The following LIN28B variants were observed in gnomAD, a reference collection of about 807,000 sequenced individuals.
LIN28B encodes the protein protein lin-28 homolog B.
LIN28B carries 5 observed loss-of-function variants against 21.9 expected under a neutral mutation model. The ratio of observed to expected loss-of-function variants is 0.23; its 90% CI spans 0.12 to 0.48. The LOEUF (loss-of-function observed/expected upper bound fraction) is 0.48. LIN28B is among the 20% of genes least tolerant of loss of function. The pLI, the probability that LIN28B is intolerant of heterozygous loss-of-function variation, is 0.98. For missense variants in LIN28B, 245 were observed against 310.5 expected (o/e 0.79, Z 1.58); for synonymous variants, 109 against 111.3 (o/e 0.98, Z 0.13).
At chr6:105,073,761 C>T (rs575908966) in intron 3 of LIN28B, among the ~76,000 whole-genome samples, 30 of 152,252 alleles carry the variant, frequency 2.0e-4, no homozygotes, top group Middle Eastern at 6.8e-3. Flanking sequence ...TTTTTCATCA[C>T]TCTCAGGATC....
intron 2 of LIN28B, among the ~76,000 whole-genome samples, chr6:104,944,658 A>G (rs1295029050): frequency 1.3e-5 from 2 of 152,146 alleles, no homozygotes; most frequent in Admixed American, 1.3e-4. Flanking sequence ...GCTCTACATT[A>G]TATGAAATGA....
At chr6:104,960,161 G>A (rs2114569902) in intron 2 of LIN28B, among the ~76,000 whole-genome samples, 1 of 152,156 alleles carries the variant, frequency 6.6e-6, no homozygotes, top group South Asian at 2.1e-4. Context: ...TACAGTTCAT[G>A]TATATATTAA....
intron 2 of LIN28B, among the ~76,000 whole-genome samples, chr6:105,020,032 G>A (rs2114325154): frequency 6.6e-6 from 1 of 151,642 alleles, no homozygotes. Context: ...ACTATCTGGA[G>A]CCCTGGGTAA....
chr6:104,953,223 C>T (rs150407534), upstream of LIN28B, among the ~76,000 whole-genome samples: 24 of 152,118 alleles, frequency 1.6e-4, no homozygotes, highest in African/African-American at 5.8e-4. Context: ...CTTGATCCTC[C>T]GAAGGCCCAG....
intron 2 of LIN28B, among the ~76,000 whole-genome samples, chr6:105,004,792 A>G (rs929645147): frequency 2.0e-4 from 31 of 152,222 alleles, no homozygotes; most frequent in African/African-American, 6.8e-4. Flanking sequence ...CTTCAAACAT[A>G]TCAGGTCATC....
rs547212113 is a variant in LIN28B at position 105,033,616 on chromosome 6, G to T, written c.383+7134G>T. ...TAACATTTCAAACGAAATAATTTCT[G>T]ATTTTTTTCTATTTAGTTTTTCTTA... On this transcript the variant is annotated intron_variant, in intron 3 of 3. Transcript: ENST00000345080. Among the ~76,000 whole-genome samples the T allele has an allele frequency of 4.0e-5, 6 of 151,894 alleles. No homozygotes were observed. In the South Asian group the frequency reaches 1.2e-3, roughly 32 times the overall value.
At chr6:105,068,221 C>T (rs949289723) in intron 3 of LIN28B, among the ~76,000 whole-genome samples, 2 of 152,150 alleles carry the variant, frequency 1.3e-5, no homozygotes, top group Non-Finnish European at 2.9e-5. Flanking sequence ...AAATCTTAAC[C>T]ATCCAGCTAA....
At chr6:104,968,493 AC>A (rs1309557654) in intron 2 of LIN28B, among the ~76,000 whole-genome samples, 2 of 152,198 alleles carry the variant, frequency 1.3e-5, no homozygotes, top group Non-Finnish European at 1.5e-5. Context: ...CTTTGTCATA[AC>A]AGCCCACTTT....
At chr6:105,032,931 C>A (rs1771453738) in intron 3 of LIN28B, among the ~76,000 whole-genome samples, 1 of 151,850 alleles carries the variant, frequency 6.6e-6, no homozygotes, top group East Asian at 1.9e-4. Flanking sequence ...TTTAAGAACT[C>A]TTTGTGTAAG....
chr6:105,050,866 A>G (rs1451345795), intron 3 of LIN28B, among the ~76,000 whole-genome samples: 1 of 151,338 alleles, frequency 6.6e-6, no homozygotes, highest in African/African-American at 2.4e-5. Context: ...TTTTATTAGG[A>G]AGTTCAAGAC....
chr6:104,937,554 C>T (rs759626053), intron 2 of LIN28B, among the ~76,000 whole-genome samples: 57 of 152,180 alleles, frequency 3.7e-4, no homozygotes, highest in Non-Finnish European at 1.0e-4. Flanking sequence ...CGTGAACCAC[C>T]GCGCCTGGCC....
At chr6:105,007,824 G>A (rs1055056957) in intron 2 of LIN28B, among the ~76,000 whole-genome samples, 3 of 151,504 alleles carry the variant, frequency 2.0e-5, no homozygotes, top group Non-Finnish European at 4.4e-5. Context: ...ATTAAAAAAA[G>A]TAGAGAGAAG....
chr6:104,976,647 G>C (rs543933540), intron 2 of LIN28B, among the ~76,000 whole-genome samples: 1 of 152,320 alleles, frequency 6.6e-6, no homozygotes, highest in Non-Finnish European at 1.5e-5. Context: ...CTTTTACAAA[G>C]GAAGAGTCCA....
intron 3 of LIN28B, among the ~76,000 whole-genome samples, chr6:105,048,400 G>A (rs1188590028): frequency 6.6e-6 from 1 of 152,212 alleles, no homozygotes; most frequent in Non-Finnish European, 1.5e-5. Flanking sequence ...GGTTTTTGAT[G>A]TGCTGTTGGA....
intron 2 of LIN28B, among the ~76,000 whole-genome samples, chr6:104,970,911 CT>C: frequency 6.6e-6 from 1 of 152,024 alleles, no homozygotes; most frequent in Non-Finnish European, 1.5e-5. Context: ...TATTTATATA[CT>C]TTTTTTAATA....
chr6:105,003,201 G>A (rs1770751929), intron 2 of LIN28B, among the ~76,000 whole-genome samples: 1 of 152,172 alleles, frequency 6.6e-6, no homozygotes, highest in African/African-American at 2.4e-5. Flanking sequence ...GTGCTAAAAC[G>A]ATCCTGCCCT....
At chr6:104,938,453 A>G (rs984543156) in intron 2 of LIN28B, among the ~76,000 whole-genome samples, 1 of 152,104 alleles carries the variant, frequency 6.6e-6, no homozygotes, top group African/African-American at 2.4e-5. Flanking sequence ...AGCGTGGGCA[A>G]CATGGTGAAA....
At chr6:105,034,975 C>T (rs867843800) in intron 3 of LIN28B, among the ~76,000 whole-genome samples, 4 of 151,882 alleles carry the variant, frequency 2.6e-5, no homozygotes, top group South Asian at 4.1e-4. Flanking sequence ...TGAAAACTAA[C>T]TAGTGGTAAT....
intron 2 of LIN28B, among the ~76,000 whole-genome samples, chr6:105,024,752 A>G (rs941839355): frequency 2.6e-5 from 4 of 152,086 alleles, no homozygotes; most frequent in Admixed American, 2.6e-4. Flanking sequence ...TTTGCAATGA[A>G]TTTTTGAAGT....
Sources: gnomAD v4.1 joint callset for allele counts (sites outside exome capture counted in the v4.1 genomes callset) on GRCh38, gnomAD v4.1.1 for gene constraint, MANE v1.5 for transcripts, NCBI Gene and HGNC (gene_info 2026-07-23, HGNC 2026-07-21) for gene names.